FBXW2: variants seen among roughly 807,000 people sequenced by gnomAD.
The protein encoded by FBXW2 is F-box and WD repeat domain containing 2, also known as F-box/WD repeat-containing protein 2.
In FBXW2, 12 loss-of-function variants were observed where a neutral mutation model predicts 46.0. That is an observed-to-expected ratio of 0.26 (90% CI 0.17 to 0.42). The LOEUF (loss-of-function observed/expected upper bound fraction) is 0.42, where lower values mean the gene tolerates loss of function less well. FBXW2 is among the 10% of genes least tolerant of loss of function. The probability of loss-of-function intolerance (pLI) is 1.00; values close to 1 mark genes in which losing one functional copy is unlikely to be tolerated. For synonymous variants in FBXW2, 203 were observed against 209.6 expected (o/e 0.97, Z 0.27); for missense variants, 360 against 537.0 (o/e 0.67, Z 3.26).
intron 6 of FBXW2, among the ~76,000 whole-genome samples, chr9:120,772,291 G>A (rs1371204746): frequency 6.0e-5 from 9 of 150,806 alleles, no homozygotes; most frequent in Middle Eastern, 3.4e-3. Context: ...TCAGGAGTTC[G>A]AGACCAGCCT....
rs1274728042 is a variant in FBXW2, at chr9:120,763,205, T to A, written c.*1354A>T. 1 of 152,232 alleles carries A rather than the reference T, an allele frequency of 6.6e-6. No homozygotes were observed. Among genetic ancestry groups the A allele is most frequent in the Non-Finnish European group, 1.5e-5 (1 of 68,042 alleles). The allele number at this position is 152,232 out of a possible 1,614,324, so 9.4% of individuals were successfully genotyped here. A position where few individuals can be genotyped will look rare whatever the true frequency, so the allele number is the denominator to read the frequency against. On this transcript the variant is annotated 3_prime_UTR_variant, in exon 8 of 8. Coordinates refer to ENST00000608872, the MANE Select transcript of FBXW2 (RefSeq NM_012164.4). ...CTCCTAATGACAAAACAGAGCTGAA[T>A]AACTGCCCTATTAGATCAACTTTCC... is the stretch of plus-strand genomic sequence containing the variant.
chr9:120,771,297 G>C, intron 7 of FBXW2, 51 bp downstream of exon 7: 2 of 1,536,248 alleles, frequency 1.3e-6, no homozygotes, highest in Non-Finnish European at 1.8e-6. Context: ...CTTTACTACT[G>C]AACTGCAGCA....
At position 120,758,671 on chromosome 9, in the gene FBXW2, A is replaced by G. The variant is rs1298815307; in HGVS notation, c.*5888T>C. 1 of 152,238 alleles carries G rather than the reference A, an allele frequency of 6.6e-6. No individual in the cohort carries two copies. The highest frequency in any genetic ancestry group is 1.5e-5 in the Non-Finnish European group (1 of 68,044). 9.4% of individuals were successfully genotyped at this position (152,238 alleles called of 1,614,324 possible). A position where few individuals can be genotyped will look rare whatever the true frequency, so the allele number is the denominator to read the frequency against. ...CCTCACCACTTACTATAACTCCTCT[A>G]GGCAATGAATCACTTTACCAAGCCA... On this transcript the variant is annotated 3_prime_UTR_variant, in exon 8 of 8. Coordinates refer to ENST00000608872, the MANE Select transcript of FBXW2 (RefSeq NM_012164.4).
Position 120,759,791 on chromosome 9 carries a change from G to C in FBXW2, c.*4768C>G, listed in dbSNP as rs916281031. The C allele has an allele frequency of 1.3e-5, 2 of 152,164 alleles. No homozygotes were observed. Among genetic ancestry groups the C allele is most frequent in the African/African-American group, 4.8e-5 (2 of 41,442 alleles). The allele number at this position is 152,164 out of a possible 1,614,324, so 9.4% of individuals were successfully genotyped here. On this transcript the variant is annotated 3_prime_UTR_variant, in exon 8 of 8. Transcript: ENST00000608872. ...TAATTAAGTGGGTTTACACTGGTCA[G>C]GATTGAATTACTAAATTTAAACAAC...
Position 120,760,586 on chromosome 9 carries a change from C to T in FBXW2, c.*3973G>A, listed in dbSNP as rs2044181975. Reference sequence around the variant, plus strand: ...GAGGTTGCAGTAAGCCGAGATCACGCCACTGCACTCCAGCCTGGGGATAGA... The same window carrying T: ...GAGGTTGCAGTAAGCCGAGATCACGTCACTGCACTCCAGCCTGGGGATAGA... On this transcript the variant is annotated 3_prime_UTR_variant, in exon 8 of 8. Coordinates refer to ENST00000608872, the MANE Select transcript of FBXW2 (RefSeq NM_012164.4). The T allele has an allele frequency of 6.6e-6, 1 of 152,380 alleles. No homozygotes were observed. Among genetic ancestry groups the T allele is most frequent in the Admixed American group, 6.5e-5 (1 of 15,280 alleles). 9.4% of individuals were successfully genotyped at this position (152,380 alleles called of 1,614,324 possible).
intron 2 of FBXW2, among the ~76,000 whole-genome samples, chr9:120,791,051 TA>T (rs1439734078): frequency 1.3e-5 from 2 of 152,186 alleles, no homozygotes; most frequent in Non-Finnish European, 1.5e-5. Flanking sequence ...TTTTTTTCCC[TA>T]AAAAAGCAAG....
In FBXW2 at chr9:120,764,657, G is replaced by T. The variant is rs1335349899; in HGVS notation, c.1267C>A (p.Leu423Met). Residue 423 changes from leucine to methionine, a missense_variant, in exon 8 of 8, where the codon CTG (leucine) becomes ATG (methionine). Leu to Met is a conservative substitution (Grantham distance 15, BLOSUM62 2). Coordinates refer to ENST00000608872, the MANE Select transcript of FBXW2 (RefSeq NM_012164.4). The stretch of plus-strand genomic sequence containing the variant: ...TCATTGTGCCCATCCAGTCCATTCA[G>T]CCAGGATGCTTCGCCTGCCAGGAAG... ...SSFLAGEASW[L>M]NGLDGHNDTG... The T allele has an allele frequency of 6.2e-7, 1 of 1,614,104 alleles. No homozygotes were observed. Among genetic ancestry groups the T allele is most frequent in the East Asian group, 2.2e-5 (1 of 44,894 alleles).
chr9:120,783,626 C>T (rs1382814236), intron 3 of FBXW2, among the ~76,000 whole-genome samples: 3 of 152,160 alleles, frequency 2.0e-5, no homozygotes, highest in South Asian at 2.1e-4. Flanking sequence ...TTGCTATAGT[C>T]CACACAGAGA....
intron 4 of FBXW2, among the ~76,000 whole-genome samples, chr9:120,776,987 G>A (rs941810713): frequency 1.3e-5 from 2 of 152,096 alleles, no homozygotes. Context: ...GTATCAGGGA[G>A]GACTTCAGGG....
At chr9:120,786,297 TAGTG>T (rs376901969) in intron 3 of FBXW2, among the ~76,000 whole-genome samples, 2 of 152,164 alleles carry the variant, frequency 1.3e-5, no homozygotes, top group Admixed American at 6.5e-5. Context: ...GTTCTCATGA[TAGTG>T]AGTGAGTTCT....
chr9:120,777,005 G>A (rs1448697888), intron 4 of FBXW2, among the ~76,000 whole-genome samples: 1 of 152,114 alleles, frequency 6.6e-6, no homozygotes, highest in Non-Finnish European at 1.5e-5. Flanking sequence ...GGGAAGAGGC[G>A]ATATTGGAGA....
chr9:120,774,404 C>T (rs1344421316), intron 5 of FBXW2, among the ~76,000 whole-genome samples: 1 of 150,474 alleles, frequency 6.6e-6, no homozygotes, highest in Non-Finnish European at 1.5e-5. Flanking sequence ...GCTAGCTACT[C>T]GGGAGGCTGA....
At chr9:120,767,363 T>G (rs753129549) in intron 7 of FBXW2, among the ~76,000 whole-genome samples, 2 of 152,156 alleles carry the variant, frequency 1.3e-5, no homozygotes, top group African/African-American at 2.4e-5. Context: ...AGGTAGACAT[T>G]TAGATTAGAT....
Position 120,764,593 on chromosome 9 carries a change from CT to C in FBXW2, c.1330del (p.Ser444ValfsTer19), listed in dbSNP as rs1257768978. On this transcript the variant is annotated frameshift_variant, in exon 8 of 8. Transcript: ENST00000608872. LOFTEE classifies it high-confidence loss of function. ...LVFATSMPDHSIHLVLWKEHG is the reference protein window; with the variant it reads ...LVFATSMPDHXIHLVLWKEHG ...CTCCTTCCACAACACCAGGTGAATA[CT>C]GTGGTCAGGCATGCTGGTGGCAAAG... 1 of 1,614,174 alleles carries C rather than the reference CT, an allele frequency of 6.2e-7. No individual in the cohort carries two copies. The highest frequency in any genetic ancestry group is 8.5e-7 in the Non-Finnish European group (1 of 1,180,022).
intron 5 of FBXW2, 68 bp downstream of exon 5, chr9:120,776,025 G>T: frequency 6.3e-7 from 1 of 1,581,244 alleles, no homozygotes. Context: ...ATAAGGCAGT[G>T]TCTACCATCC....
At position 120,771,480 on chromosome 9, in the gene FBXW2, A is replaced by G; in HGVS notation, c.944T>C (p.Leu315Ser). 6.2e-7 allele frequency: 1 copy of G among 1,613,326 alleles called. No homozygotes were observed. Among genetic ancestry groups the G allele is most frequent in the Non-Finnish European group, 8.5e-7 (1 of 1,179,840 alleles). The change falls in exon 7 of 8, where the codon TTA becomes TCA. Residue 315 changes from leucine (L) to serine (S), a missense_variant. Leu to Ser is a moderately radical substitution (Grantham distance 145, BLOSUM62 -2). Coordinates refer to ENST00000608872, the MANE Select transcript of FBXW2 (RefSeq NM_012164.4). ...ATCCTCAGAGACAGACAATGTCTTT[A>G]AGCACTTACAGTTGATTTCTCTCCC... ...PIGREINCKC[L>S]KTLSVSEDRS...
intron 5 of FBXW2, 105 bp from the exon 6 acceptor site, chr9:120,772,945 TAGCTA>T: frequency 1.3e-6 from 1 of 772,024 alleles, no homozygotes; most frequent in Non-Finnish European, 2.1e-6. Context: ...TATGCTAGAA[TAGCTA>T]AGCCATAACT....
rs762580500 is a variant in FBXW2, at chr9:120,758,325, C to T, written c.*6234G>A. On this transcript the variant is annotated 3_prime_UTR_variant, in exon 8 of 8. Transcript: ENST00000608872. ...GAGGATGGGAGATTAACACCCAAAG[C>T]GCAAGGGTGGAAATAAATAGAGGAG... The T allele has an allele frequency of 2.0e-5, 3 of 152,062 alleles. No homozygotes were observed. Among genetic ancestry groups the T allele is most frequent in the East Asian group, 1.9e-4 (1 of 5,198 alleles). 9.4% of individuals were successfully genotyped at this position (152,062 alleles called of 1,614,324 possible).
chr9:120,773,331 C>T (rs574253588), intron 5 of FBXW2, among the ~76,000 whole-genome samples: 9 of 152,232 alleles, frequency 5.9e-5, no homozygotes, highest in African/African-American at 1.9e-4. Context: ...TAGACACTGA[C>T]GTAGATGCAA....
Sources: gnomAD v4.1 joint callset for allele counts (sites outside exome capture counted in the v4.1 genomes callset) on GRCh38, gnomAD v4.1.1 for gene constraint, MANE v1.5 for transcripts, NCBI Gene and HGNC (gene_info 2026-07-23, HGNC 2026-07-21) for gene names.